TMEM132B: variants seen among roughly 807,000 people sequenced by gnomAD.
The protein encoded by TMEM132B is transmembrane protein 132B.
Under a neutral mutation model 90.8 loss-of-function variants are expected in TMEM132B, and 18 were observed. The observed-to-expected ratio is 0.20, with a 90% CI of 0.14 to 0.29. The LOEUF is 0.29. Among genes scored for constraint, TMEM132B ranks in the 10% least tolerant of loss-of-function variants. The pLI, the probability that TMEM132B is intolerant of heterozygous loss-of-function variation, is 1.00. For synonymous variants in TMEM132B, 504 were observed against 523.3 expected, an observed-to-expected ratio of 0.96 and a Z score of 0.50; for missense variants, 1,096 against 1,326.8, an observed-to-expected ratio of 0.83 and a Z score of 2.70.
chr12:125,604,671 A>G (rs1046937918), intron 5 of TMEM132B, among the ~76,000 whole-genome samples: 1 of 152,222 alleles, frequency 6.6e-6, no homozygotes, highest in Non-Finnish European at 1.5e-5. Flanking sequence ...AAGGTGCAAT[A>G]TGAATCATGC....
chr12:125,399,194 A>T (rs1343705810), intron 2 of TMEM132B, among the ~76,000 whole-genome samples: 1 of 152,210 alleles, frequency 6.6e-6, no homozygotes, highest in African/African-American at 2.4e-5. Flanking sequence ...GCATTATTTA[A>T]TTAGTTACAA....
chr12:125,415,235 A>T lies in TMEM132B; in HGVS notation c.960-296A>T, dbSNP rs1197656973. On this transcript the variant is annotated intron_variant, in intron 2 of 8. Transcript: ENST00000682704. This position sits in a 1 kb window ranked among gnomAD's most constrained non-coding sequence, Gnocchi z 5.3. Reference sequence around the variant, plus strand: ...GGCCCGAGGCATCTGTCTCATTTGCATCATGCTGGGATCCCTGGAGCAGCA... The same window carrying T: ...GGCCCGAGGCATCTGTCTCATTTGCTTCATGCTGGGATCCCTGGAGCAGCA... Among the ~76,000 whole-genome samples, 1 of 152,220 alleles carries T rather than the reference A, an allele frequency of 6.6e-6. No homozygotes were observed. The highest frequency in any genetic ancestry group is 1.5e-5 in the Non-Finnish European group (1 of 68,024).
At chr12:125,649,028 T>A (rs1886837889) in intron 6 of TMEM132B, among the ~76,000 whole-genome samples, 1 of 152,224 alleles carries the variant, frequency 6.6e-6, no homozygotes, top group South Asian at 2.1e-4. Flanking sequence ...AAAATGGGAA[T>A]AACTTTTCAG....
rs1873360073 is a variant in TMEM132B at position 125,213,186 on chromosome 12, G to T, written c.67+26320G>T. Among the ~76,000 whole-genome samples, 1 of 152,142 alleles carries T rather than the reference G, an allele frequency of 6.6e-6. No individual in the cohort carries two copies. The highest frequency in any genetic ancestry group is 1.5e-5 in the Non-Finnish European group (1 of 68,034). On this transcript the variant is annotated intron_variant, in intron 1 of 8. Transcript: ENST00000682704. The surrounding 1 kb of genome is among the most constrained non-coding windows in gnomAD (Gnocchi z 4.2). ...CAGTCTTAAAATATGCACCCTTTTGGGTCTGGCTTCTTTCACTTGCACAGT... is the reference window on the plus strand; with the variant it reads ...CAGTCTTAAAATATGCACCCTTTTGTGTCTGGCTTCTTTCACTTGCACAGT...
chr12:125,558,319 AGAACT>A (rs1331710292), intron 4 of TMEM132B, among the ~76,000 whole-genome samples: 3 of 152,148 alleles, frequency 2.0e-5, no homozygotes, highest in Non-Finnish European at 2.9e-5. Flanking sequence ...TCTACTTTGA[AGAACT>A]TACAGGTTTC....
At position 125,186,508 on chromosome 12, in the gene TMEM132B, G is replaced by GCGGC; in HGVS notation, c.-292_-291insCGGC. Among the ~76,000 whole-genome samples the GCGGC allele has an allele frequency of 6.8e-6, 1 of 146,594 alleles. No homozygotes were observed. ...AGGAGCCGCGGCGGCGGCGGCGGCG[G>GCGGC]GGGCCGCGCAACTCGGGCCAACTGC... On this transcript the variant is annotated 5_prime_UTR_variant, in exon 1 of 9. The change creates a premature stop within an existing upstream ORF in the 5' untranslated region. Coordinates refer to ENST00000682704, the MANE Select transcript of TMEM132B (RefSeq NM_001366854.1). This position sits in a 1 kb window ranked among gnomAD's most constrained non-coding sequence, Gnocchi z 6.3.
At chr12:125,569,712 G>A (rs553678017) in intron 4 of TMEM132B, among the ~76,000 whole-genome samples, 21 of 152,248 alleles carry the variant, frequency 1.4e-4, no homozygotes, top group Non-Finnish European at 2.8e-4. Context: ...CGGGGCACAA[G>A]GAATGAACTG....
In TMEM132B at chr12:125,583,943, C is replaced by G. The variant is rs763861460; in HGVS notation, c.1386C>G (p.Val462=). The G allele has an allele frequency of 1.2e-6, 2 of 1,614,018 alleles. No individual in the cohort carries two copies. The highest frequency in any genetic ancestry group is 1.7e-6 in the Non-Finnish European group (2 of 1,179,998). ...GGGTCCAGGAGGATGGTTCTGTGGT[C>G]GATGTGTCTGAGTCTGTGGAATGCA... The part of the protein sequence containing the change: ...VVGVQEDGSV[V]DVSESVECKS... Residue 462 remains valine, a synonymous_variant, in exon 5 of 9, where the codon GTC becomes GTG. Transcript: ENST00000682704.
At chr12:125,548,849 ATGG>A (rs1392755414) in intron 4 of TMEM132B, among the ~76,000 whole-genome samples, 1 of 152,194 alleles carries the variant, frequency 6.6e-6, no homozygotes, top group Non-Finnish European at 1.5e-5. Context: ...GCAAGACACG[ATGG>A]TGGCTTATGC....
chr12:125,346,659 A>C (rs773440420), intron 1 of TMEM132B, among the ~76,000 whole-genome samples: 2 of 152,246 alleles, frequency 1.3e-5, no homozygotes, highest in Non-Finnish European at 2.9e-5. Context: ...TGGTGGCGGC[A>C]GCAGCTAAAA....
chr12:125,268,931 A>G (rs1425624125), intron 1 of TMEM132B, among the ~76,000 whole-genome samples: 2 of 152,218 alleles, frequency 1.3e-5, no homozygotes, highest in African/African-American at 2.4e-5. Context: ...TTACCCCAGC[A>G]ATCTTACCAT....
At chr12:125,609,845 A>G (rs1885783716) in intron 5 of TMEM132B, among the ~76,000 whole-genome samples, 1 of 142,218 alleles carries the variant, frequency 7.0e-6, no homozygotes, top group African/African-American at 2.6e-5. Flanking sequence ...AAAAAAAAAA[A>G]GAATATTGGA....
chr12:125,261,623 A>AGTAGCTATGT (rs1216815287), intron 1 of TMEM132B, among the ~76,000 whole-genome samples: 2 of 152,230 alleles, frequency 1.3e-5, no homozygotes, highest in African/African-American at 4.8e-5. Context: ...AATTGTCATT[A>AGTAGCTATGT]GTAGCTATGT....
At chr12:125,216,128 C>T (rs2136069440) in intron 1 of TMEM132B, among the ~76,000 whole-genome samples, 1 of 152,220 alleles carries the variant, frequency 6.6e-6, no homozygotes, top group East Asian at 1.9e-4. Flanking sequence ...AAATACCACA[C>T]AGAGTGGTTT....
intron 4 of TMEM132B, among the ~76,000 whole-genome samples, chr12:125,531,121 C>T (rs1883635317): frequency 6.6e-6 from 1 of 152,206 alleles, no homozygotes; most frequent in Admixed American, 6.5e-5. Context: ...CTAATCAGGA[C>T]AGGACAGAAC....
chr12:125,567,974 C>T (rs1218522305), intron 4 of TMEM132B, among the ~76,000 whole-genome samples: 1 of 152,178 alleles, frequency 6.6e-6, no homozygotes. Flanking sequence ...AGGAAGGACA[C>T]CTCGGAGCCA....
intron 1 of TMEM132B, among the ~76,000 whole-genome samples, chr12:125,225,901 A>T (rs967345744): frequency 2.0e-5 from 3 of 152,188 alleles, no homozygotes; most frequent in African/African-American, 7.2e-5. Flanking sequence ...TGGGCCCAGG[A>T]CAAACAGTAT....
chr12:125,243,000 T>C (rs1020376628), intron 1 of TMEM132B, among the ~76,000 whole-genome samples: 2 of 133,860 alleles, frequency 1.5e-5, no homozygotes, highest in African/African-American at 2.9e-5. Context: ...TCTCTTTCTC[T>C]CTCTTTCTTC....
At chr12:125,195,394 GTTTTT>G (rs36005995) in intron 1 of TMEM132B, among the ~76,000 whole-genome samples, 23 of 89,910 alleles carry the variant, frequency 2.6e-4, no homozygotes, top group East Asian at 1.4e-3. Context: ...GGGTTTGCGG[GTTTTT>G]TTTTTTTTTT....
Sources: allele counts gnomAD v4.1 joint callset (sites outside exome capture counted in the v4.1 genomes callset), GRCh38; gene constraint gnomAD v4.1.1; non-coding constraint Gnocchi (gnomAD v3.1); transcripts MANE v1.5; gene names NCBI Gene and HGNC (gene_info 2026-07-23, HGNC 2026-07-21).